The following CACNA1A variants were observed in gnomAD, a reference collection of about 807,000 sequenced individuals.
CACNA1A encodes the protein calcium voltage-gated channel subunit alpha1 A.
A neutral mutation model predicts 262.4 loss-of-function variants in CACNA1A; 57 were observed. The ratio of observed to expected loss-of-function variants is 0.22; its 90% CI spans 0.18 to 0.27. The LOEUF is 0.27. Among genes scored for constraint, CACNA1A ranks in the 10% least tolerant of loss-of-function variants. The pLI is 1.00. For synonymous variants in CACNA1A, 1,431 were observed against 1,419.3 expected (o/e 1.01, Z -0.18); for missense variants, 2,526 against 3,562.8 (o/e 0.71, Z 7.41).
At chr19:13,321,331 C>T (rs368313663) in intron 10 of CACNA1A, among the ~76,000 whole-genome samples, 9 of 152,180 alleles carry the variant, frequency 5.9e-5, no homozygotes, top group South Asian at 4.2e-4. Flanking sequence ...ACTGGGCGTC[C>T]GGGCCAGTCT....
At chr19:13,367,713 G>A (rs1007157690) in intron 4 of CACNA1A, among the ~76,000 whole-genome samples, 3 of 152,022 alleles carry the variant, frequency 2.0e-5, no homozygotes, top group Admixed American at 2.0e-4. Flanking sequence ...GGGTGAAAGT[G>A]CGAGATTCCA....
chr19:13,330,826 T>G (rs2058454900), intron 9 of CACNA1A, among the ~76,000 whole-genome samples: 1 of 152,196 alleles, frequency 6.6e-6, no homozygotes, highest in Admixed American at 6.5e-5. Context: ...TGACCTCAAG[T>G]GATTTGCCTG....
At chr19:13,250,126 C>T (rs2056357650) in intron 30 of CACNA1A, among the ~76,000 whole-genome samples, 1 of 151,654 alleles carries the variant, frequency 6.6e-6, no homozygotes, top group South Asian at 2.1e-4. Flanking sequence ...CTGGTGCCAT[C>T]TTGGCTCACT....
At chr19:13,393,508 C>CCTTA (rs2059747079) in intron 3 of CACNA1A, among the ~76,000 whole-genome samples, 1 of 148,830 alleles carries the variant, frequency 6.7e-6, no homozygotes, top group Non-Finnish European at 1.5e-5. Context: ...TCCTTCCTTT[C>CCTTA]CTTCCTTCCT....
chr19:13,214,727 G>T lies in CACNA1A; in HGVS notation c.5732-119C>A. 1.3e-6 allele frequency: 1 copy of T among 761,514 alleles called. No homozygotes were observed. Among genetic ancestry groups the T allele is most frequent in the Non-Finnish European group, 2.2e-6 (1 of 452,632 alleles). The allele number at this position is 761,514 out of a possible 1,614,324, so 47.2% of individuals were successfully genotyped here. On this transcript the variant is annotated intron_variant, in intron 38 of 46. Coordinates refer to ENST00000360228, the MANE Select transcript of CACNA1A (RefSeq NM_001127222.2). This position sits in a 1 kb window ranked among gnomAD's most constrained non-coding sequence, Gnocchi z 4.1. ...CCCCAATCTTTCTGGTCCCCATGGG[G>T]TCTCCAGTTCCCCAACGGCCTGGCC... is the stretch of plus-strand genomic sequence containing the variant.
At chr19:13,372,313 G>A (rs571500582) in intron 3 of CACNA1A, among the ~76,000 whole-genome samples, 3 of 152,086 alleles carry the variant, frequency 2.0e-5, no homozygotes, top group Non-Finnish European at 2.9e-5. Flanking sequence ...GGATTACTAC[G>A]CACCCGCCAT....
intron 6 of CACNA1A, among the ~76,000 whole-genome samples, chr19:13,353,633 C>T (rs1261477484): frequency 6.6e-6 from 1 of 152,150 alleles, no homozygotes; most frequent in African/African-American, 2.4e-5. Flanking sequence ...CTGATATAAA[C>T]CTTCAACAGC....
chr19:13,434,983 T>A (rs1249627355), intron 3 of CACNA1A, among the ~76,000 whole-genome samples: 3 of 151,976 alleles, frequency 2.0e-5, no homozygotes, highest in African/African-American at 7.3e-5. Flanking sequence ...AGAGACAGGA[T>A]TTCACTGTGT....
intron 1 of CACNA1A, among the ~76,000 whole-genome samples, chr19:13,472,474 A>C (rs1978287284): frequency 4.6e-5 from 7 of 152,268 alleles, no homozygotes; most frequent in Admixed American, 4.6e-4. Context: ...GTCTTGTGTG[A>C]CCTGTCTCTG....
chr19:13,358,913 T>C (rs1341987566), intron 6 of CACNA1A, among the ~76,000 whole-genome samples: 2 of 152,214 alleles, frequency 1.3e-5, no homozygotes, highest in African/African-American at 2.4e-5. Flanking sequence ...TGTCCCTTTC[T>C]CTTCTTAGTC....
At position 13,300,533 on chromosome 19, in the gene CACNA1A, G is replaced by A. The variant is rs2057766653; in HGVS notation, c.2279+17C>T. The A allele has an allele frequency of 3.2e-6, 5 of 1,560,300 alleles. No individual in the cohort carries two copies. Among genetic ancestry groups the A allele is most frequent in the Non-Finnish European group, 4.4e-6 (5 of 1,131,044 alleles). ...TTCAGGAGCCAGGGTAGCATCCCAG[G>A]GATTAGGGGCACTTACACAGCTATA... On this transcript the variant is annotated intron_variant, in intron 18 of 46. Transcript: ENST00000360228.
At chr19:13,455,956 C>T (rs1185007306) in intron 1 of CACNA1A, among the ~76,000 whole-genome samples, 1 of 151,332 alleles carries the variant, frequency 6.6e-6, no homozygotes, top group African/African-American at 2.4e-5. Flanking sequence ...TTGAGACCAG[C>T]CTGGCCAACA....
intron 1 of CACNA1A, among the ~76,000 whole-genome samples, chr19:13,498,183 C>T (rs1191915219): frequency 6.6e-6 from 1 of 152,048 alleles, no homozygotes; most frequent in East Asian, 1.9e-4. Flanking sequence ...GTGACAGACT[C>T]TGGAAGATCA....
chr19:13,353,827 C>T (rs1242877789), intron 6 of CACNA1A, among the ~76,000 whole-genome samples: 3 of 152,186 alleles, frequency 2.0e-5, no homozygotes, highest in East Asian at 1.9e-4. Context: ...TCCTTCTCTG[C>T]TCAAACATCA....
At chr19:13,355,840 T>A (rs543723261) in intron 6 of CACNA1A, among the ~76,000 whole-genome samples, 1 of 152,316 alleles carries the variant, frequency 6.6e-6, no homozygotes, top group South Asian at 2.1e-4. Flanking sequence ...CTGTGCATTG[T>A]AGAATGTTGA....
intron 6 of CACNA1A, among the ~76,000 whole-genome samples, chr19:13,345,676 C>T (rs954532596): frequency 2.0e-5 from 3 of 152,074 alleles, no homozygotes; most frequent in African/African-American, 7.2e-5. Context: ...CAGGAGAACA[C>T]CCGTTTCTCC....
At chr19:13,346,662 A>ATTTT (rs2058791040) in intron 6 of CACNA1A, among the ~76,000 whole-genome samples, 1 of 5,772 alleles carries the variant, frequency 1.7e-4, no homozygotes, top group Non-Finnish European at 2.7e-4. Flanking sequence ...ATATATATAT[A>ATTTT]TATATTTTTT....
rs1317478865 is a variant in CACNA1A, at chr19:13,275,830, A to G, written c.3989+20T>C. ...GGTTGGGGGAAAAGAGGCAAGAGGAACCCTTGCGAGGAGACTTACGTGAAG... is the reference window on the plus strand; with the variant it reads ...GGTTGGGGGAAAAGAGGCAAGAGGAGCCCTTGCGAGGAGACTTACGTGAAG... On this transcript the variant is annotated intron_variant, in intron 24 of 46. Coordinates refer to ENST00000360228, the MANE Select transcript of CACNA1A (RefSeq NM_001127222.2). The G allele has an allele frequency of 1.3e-6, 2 of 1,507,594 alleles. No individual in the cohort carries two copies. The highest frequency in any genetic ancestry group is 1.8e-6 in the Non-Finnish European group (2 of 1,083,102). 93.4% of individuals were successfully genotyped at this position (1,507,594 alleles called of 1,614,324 possible).
At chr19:13,360,857 T>G (rs1331885544) in intron 5 of CACNA1A, among the ~76,000 whole-genome samples, 2 of 152,224 alleles carry the variant, frequency 1.3e-5, no homozygotes, top group African/African-American at 4.8e-5. Flanking sequence ...CTGCAAACAC[T>G]TTTAGAGTTC....
Sources: allele counts gnomAD v4.1 joint callset (sites outside exome capture counted in the v4.1 genomes callset), GRCh38; gene constraint gnomAD v4.1.1; non-coding constraint Gnocchi (gnomAD v3.1); transcripts MANE v1.5; gene names NCBI Gene and HGNC (gene_info 2026-07-23, HGNC 2026-07-21).